The following PTCD3 variants were observed in gnomAD, a reference collection of about 807,000 sequenced individuals.
PTCD3 encodes the protein pentatricopeptide repeat domain 3.
A neutral mutation model predicts 101.9 loss-of-function variants in PTCD3; 89 were observed. The observed-to-expected ratio is 0.87, with a 90% CI of 0.74 to 1.04. PTCD3 has a LOEUF of 1.04. Ranked by LOEUF, PTCD3 falls within the 50% of genes least tolerant of loss-of-function variation. The probability of loss-of-function intolerance (pLI) is 0.00; values close to 1 mark genes in which losing one functional copy is unlikely to be tolerated. For missense variants in PTCD3, 870 were observed against 828.2 expected, an observed-to-expected ratio of 1.05 and a Z score of -0.62; for synonymous variants, 296 against 278.5, an observed-to-expected ratio of 1.06 and a Z score of -0.63.
chr2:86,130,254 T>G (rs1030176604), intron 14 of PTCD3, among the ~76,000 whole-genome samples: 4 of 152,076 alleles, frequency 2.6e-5, no homozygotes, highest in Admixed American at 1.3e-4. Flanking sequence ...GAGCCGAGAT[T>G]GTGCCATCGC....
In PTCD3 at chr2:86,137,103, A is replaced by G. The variant is rs774643469; in HGVS notation, c.1942A>G (p.Arg648Gly). 11 of 1,600,636 alleles carry G rather than the reference A, an allele frequency of 6.9e-6. No homozygotes were observed. Among genetic ancestry groups the G allele is most frequent in the Non-Finnish European group, 9.4e-6 (11 of 1,174,744 alleles). ...ACCTATTTGTGAGGGCCTCACCCAG[A>G]GAGTAATGAGTGATTTTGCAATCAA... ...SLPICEGLTQ[R>G]VMSDFAINQE... Residue 648 changes from arginine to glycine, a missense_variant, in exon 23 of 24, where the codon AGA (arginine) becomes GGA (glycine). Coordinates refer to ENST00000254630, the MANE Select transcript of PTCD3 (RefSeq NM_017952.6).
chr2:86,108,690 C>T (rs772598298), intron 3 of PTCD3, 154 bp downstream of exon 3: 202 of 656,776 alleles, frequency 3.1e-4, no homozygotes, highest in Non-Finnish European at 4.3e-4. Flanking sequence ...GTTTAAAGGA[C>T]AAAAAATGGA....
chr2:86,137,720 A>G lies in PTCD3; in HGVS notation c.*161A>G. On this transcript the variant is annotated 3_prime_UTR_variant, in exon 24 of 24. Transcript: ENST00000254630. ...CAGTCAGTACACAGCTGACTTATGT[A>G]GATTTAAGCTGCTAATATGCTACTT... 1 of 979,252 alleles carries G rather than the reference A, an allele frequency of 1.0e-6. No homozygotes were observed. Among genetic ancestry groups the G allele is most frequent in the South Asian group, 1.6e-5 (1 of 63,426 alleles). 60.7% of individuals were successfully genotyped at this position (979,252 alleles called of 1,614,324 possible). A position where few individuals can be genotyped will look rare whatever the true frequency, so the allele number is the denominator to read the frequency against.
intron 21 of PTCD3, among the ~76,000 whole-genome samples, chr2:86,135,455 C>T (rs969653836): frequency 5.9e-5 from 9 of 152,284 alleles, no homozygotes; most frequent in South Asian, 2.1e-4. Context: ...GACCACAACC[C>T]GTCCTTGATT....
rs747236083 is a variant in PTCD3, at chr2:86,127,934, A to G, written c.1097-7A>G. On this transcript the variant is annotated splice_region_variant and splice_polypyrimidine_tract_variant and intron_variant, in intron 13 of 23. Coordinates refer to ENST00000254630, the MANE Select transcript of PTCD3 (RefSeq NM_017952.6). ...GTTTATTTTTTCTGTCTACCTGGTA[A>G]TTTGAGAACCCTCGCTTGCAACATA... 2.5e-6 allele frequency: 4 copies of G among 1,606,478 alleles called. No homozygotes were observed. Among genetic ancestry groups the G allele is most frequent in the Non-Finnish European group, 3.4e-6 (4 of 1,173,250 alleles).
chr2:86,137,249 G>T, intron 23 of PTCD3, 109 bp downstream of exon 23: 1 of 1,370,128 alleles, frequency 7.3e-7, no homozygotes, highest in Non-Finnish European at 9.9e-7. Context: ...CAAAAAGTCA[G>T]AATGTAGTAA....
intron 3 of PTCD3, chr2:86,110,896 C>T: frequency 1.4e-6 from 1 of 732,592 alleles, no homozygotes; most frequent in Non-Finnish European, 2.5e-6. Flanking sequence ...ATGCACCAGG[C>T]CAGAGAGGAC....
intron 5 of PTCD3, 98 bp from the exon 6 acceptor site, chr2:86,116,956 TG>T (rs1234322747): frequency 1.1e-5 from 7 of 646,546 alleles, no homozygotes; most frequent in South Asian, 3.8e-5. Context: ...TTGTTGCATT[TG>T]TTTTTTTTTG....
intron 21 of PTCD3, chr2:86,135,862 G>C (rs367695454): frequency 1.4e-4 from 70 of 510,322 alleles, no homozygotes; most frequent in African/African-American, 1.3e-3. Flanking sequence ...GCACACACTT[G>C]ATACAACCAG....
chr2:86,127,039 T>G, intron 12 of PTCD3, 122 bp from the exon 13 acceptor site: 2 of 796,810 alleles, frequency 2.5e-6, no homozygotes, highest in East Asian at 2.7e-5. Flanking sequence ...AAAAGAGGGA[T>G]ATAGTTACTA....
At chr2:86,106,636 G>C (rs1305486684) in intron 1 of PTCD3, among the ~76,000 whole-genome samples, 1 of 152,120 alleles carries the variant, frequency 6.6e-6, no homozygotes, top group Non-Finnish European at 1.5e-5. Flanking sequence ...CAGTGAGTGT[G>C]GCTATTAGCA....
At chr2:86,129,639 C>G (rs1442106928) in intron 14 of PTCD3, among the ~76,000 whole-genome samples, 1 of 151,986 alleles carries the variant, frequency 6.6e-6, no homozygotes, top group Non-Finnish European at 1.5e-5. Context: ...AAGACCCTGT[C>G]TCAATAGTAA....
intron 14 of PTCD3, among the ~76,000 whole-genome samples, chr2:86,128,373 T>C (rs1397383134): frequency 1.3e-5 from 2 of 152,072 alleles, no homozygotes; most frequent in Non-Finnish European, 2.9e-5. Context: ...TTATGGATTG[T>C]ACTGGCAGTG....
rs376039228 is a variant in PTCD3, at chr2:86,124,440, C to G, written c.717-555C>G. Among the ~76,000 whole-genome samples, 13 of 152,316 alleles carry G rather than the reference C, an allele frequency of 8.5e-5. No individual in the cohort carries two copies. The East Asian group carries it at 1.7e-3, about 20-fold the overall frequency. ...AGGGGTTTGAGACCAGCCTGGCCAA[C>G]ATGGTGAAACCTCATCTCTACTAAA... On this transcript the variant is annotated intron_variant, in intron 9 of 23. Transcript: ENST00000254630.
chr2:86,112,856 G>A (rs186112854), intron 4 of PTCD3, among the ~76,000 whole-genome samples: 117 of 152,200 alleles, frequency 7.7e-4, no homozygotes, highest in Non-Finnish European at 1.0e-3. Context: ...TACCATACCA[G>A]TGATCTTTAA....
chr2:86,109,629 A>T (rs1012668153), intron 3 of PTCD3, among the ~76,000 whole-genome samples: 1 of 152,170 alleles, frequency 6.6e-6, no homozygotes, highest in Non-Finnish European at 1.5e-5. Flanking sequence ...AGCTCTTTGG[A>T]GGGAAATTTG....
chr2:86,139,803 GAAAA>G lies in PTCD3; in HGVS notation c.*2252_*2255del, dbSNP rs945787999. ...TTGACAGAGTGACCCTTGTCTCCAAGAAAAAAAAAAAGCAAATGGGATTAAGGAC... is the reference window on the plus strand; with the variant it reads ...TTGACAGAGTGACCCTTGTCTCCAAGAAAAAAAGCAAATGGGATTAAGGAC... On this transcript the variant is annotated 3_prime_UTR_variant, in exon 24 of 24. Coordinates refer to ENST00000254630, the MANE Select transcript of PTCD3 (RefSeq NM_017952.6). The G allele has an allele frequency of 8.5e-5, 12 of 141,910 alleles. No homozygotes were observed. The highest frequency in any genetic ancestry group is 2.0e-4 in the East Asian group (1 of 4,944). 8.8% of individuals were successfully genotyped at this position (141,910 alleles called of 1,614,324 possible).
At chr2:86,131,789 CT>C (rs1674497593) in intron 16 of PTCD3, among the ~76,000 whole-genome samples, 1 of 152,144 alleles carries the variant, frequency 6.6e-6, no homozygotes, top group African/African-American at 2.4e-5. Context: ...TTTGCCATTA[CT>C]TTCCATGGCA....
chr2:86,108,268 T>C, intron 1 of PTCD3, 82 bp from the exon 2 acceptor site: 1 of 1,462,078 alleles, frequency 6.8e-7, no homozygotes, highest in Non-Finnish European at 9.3e-7. Context: ...TTGGAGAATT[T>C]GGGCTCAAAG....
Sources: allele counts gnomAD v4.1 joint callset (sites outside exome capture counted in the v4.1 genomes callset), GRCh38; gene constraint gnomAD v4.1.1; transcripts MANE v1.5; gene names NCBI Gene and HGNC (gene_info 2026-07-23, HGNC 2026-07-21).